ITPR2: variants seen among roughly 807,000 people sequenced by gnomAD.
The protein encoded by ITPR2 is inositol 1,4,5-trisphosphate-gated calcium channel ITPR2.
ITPR2 carries 207 observed loss-of-function variants against 317.1 expected under a neutral mutation model. The ratio of observed to expected loss-of-function variants is 0.65; its 90% CI spans 0.58 to 0.73. The LOEUF (loss-of-function observed/expected upper bound fraction) is 0.73, where lower values mean the gene tolerates loss of function less well. ITPR2 is among the 30% of genes least tolerant of loss of function. ITPR2 has a pLI of 0.00. For synonymous variants in ITPR2, 1,156 were observed against 1,149.1 expected (o/e 1.01, Z -0.12); for missense variants, 2,613 against 3,284.0 (o/e 0.80, Z 4.99).
At chr12:26,549,205 T>G (rs1944463388) in intron 37 of ITPR2, among the ~76,000 whole-genome samples, 1 of 152,210 alleles carries the variant, frequency 6.6e-6, no homozygotes. Flanking sequence ...AAATATTTGC[T>G]AAAATTGCAT....
chr12:26,713,002 C>T (rs1306276756), intron 8 of ITPR2, among the ~76,000 whole-genome samples: 2 of 152,194 alleles, frequency 1.3e-5, no homozygotes, highest in Non-Finnish European at 2.9e-5. Context: ...AAAGCCTCAC[C>T]CAGCGGGGCT....
At chr12:26,487,326 A>T in intron 39 of ITPR2, 75 bp from the exon 40 acceptor site, 1 of 1,083,888 alleles carries the variant, frequency 9.2e-7, no homozygotes, top group South Asian at 1.6e-5. Context: ...AACTAAACAT[A>T]AGCATTATAG....
At chr12:26,364,764 G>C (rs145628682) in intron 55 of ITPR2, among the ~76,000 whole-genome samples, 9 of 152,202 alleles carry the variant, frequency 5.9e-5, no homozygotes, top group African/African-American at 2.2e-4. Context: ...TCAATGCATA[G>C]GTATTCTGAT....
At chr12:26,595,941 C>T (rs1030608397) in intron 31 of ITPR2, among the ~76,000 whole-genome samples, 3 of 152,198 alleles carry the variant, frequency 2.0e-5, no homozygotes, top group Middle Eastern at 3.2e-3. Context: ...CCTCCAATCC[C>T]CTCCCAACAG....
At position 26,337,773 on chromosome 12, in the gene ITPR2, G is replaced by C. The variant is rs1937967964; in HGVS notation, c.*1624C>G. On this transcript the variant is annotated 3_prime_UTR_variant, in exon 57 of 57. Coordinates refer to ENST00000381340, the MANE Select transcript of ITPR2 (RefSeq NM_002223.4). ...AGTGAGGAATTCTTAGTATGAGGTG[G>C]TGCTGGGGAGTACCAGTAGCTTCAG... 1 of 152,182 alleles carries C rather than the reference G, an allele frequency of 6.6e-6. No individual in the cohort carries two copies. The highest frequency in any genetic ancestry group is 2.4e-5 in the African/African-American group (1 of 41,442). 9.4% of individuals were successfully genotyped at this position (152,182 alleles called of 1,614,324 possible). A position where few individuals can be genotyped will look rare whatever the true frequency, so the allele number is the denominator to read the frequency against.
At chr12:26,472,780 C>A (rs1346016186) in intron 45 of ITPR2, among the ~76,000 whole-genome samples, 1 of 152,158 alleles carries the variant, frequency 6.6e-6, no homozygotes, top group Non-Finnish European at 1.5e-5. Context: ...CTTTCCATCT[C>A]TGAGCACTGC....
chr12:26,584,335 G>A (rs773278321), intron 32 of ITPR2, among the ~76,000 whole-genome samples: 1 of 152,124 alleles, frequency 6.6e-6, no homozygotes, highest in Non-Finnish European at 1.5e-5. Context: ...CTGCCATTAG[G>A]ATATATGCTC....
intron 45 of ITPR2, among the ~76,000 whole-genome samples, chr12:26,471,927 T>C (rs1041517740): frequency 2.0e-5 from 3 of 152,190 alleles, no homozygotes; most frequent in Admixed American, 6.5e-5. Flanking sequence ...CCACTCCTTG[T>C]GAGTTTGTGG....
At chr12:26,765,080 G>A (rs1949696512) in intron 2 of ITPR2, among the ~76,000 whole-genome samples, 1 of 151,920 alleles carries the variant, frequency 6.6e-6, no homozygotes, top group Non-Finnish European at 1.5e-5. Flanking sequence ...AGCTCTAAGT[G>A]GCATAACCTA....
chr12:26,758,092 A>G (rs1226072889), intron 2 of ITPR2, among the ~76,000 whole-genome samples: 1 of 152,158 alleles, frequency 6.6e-6, no homozygotes, highest in Non-Finnish European at 1.5e-5. Context: ...TATTCCCTCC[A>G]TGTAGCTTCT....
chr12:26,410,479 CCAGA>C (rs933826067), intron 52 of ITPR2, among the ~76,000 whole-genome samples: 3 of 152,146 alleles, frequency 2.0e-5, no homozygotes, highest in African/African-American at 7.2e-5. Flanking sequence ...ATCATTATGA[CCAGA>C]CAAACAGTGT....
chr12:26,546,618 GC>G (rs1199624745), intron 37 of ITPR2, among the ~76,000 whole-genome samples: 3 of 151,996 alleles, frequency 2.0e-5, no homozygotes, highest in Non-Finnish European at 2.9e-5. Flanking sequence ...AAAGAACAAA[GC>G]TGGAGGCATC....
At chr12:26,492,924 T>C (rs1305378789) in intron 39 of ITPR2, among the ~76,000 whole-genome samples, 1 of 68,340 alleles carries the variant, frequency 1.5e-5, no homozygotes, top group East Asian at 2.7e-4. Context: ...TGTGTGTATA[T>C]ATATATATAT....
chr12:26,397,712 CA>C (rs759591665), intron 54 of ITPR2, among the ~76,000 whole-genome samples: 50 of 152,112 alleles, frequency 3.3e-4, no homozygotes, highest in Non-Finnish European at 6.0e-4. Flanking sequence ...AAACACTCAA[CA>C]AAAGTTGAAG....
intron 1 of ITPR2, among the ~76,000 whole-genome samples, chr12:26,802,180 G>A (rs1442067189): frequency 6.6e-6 from 1 of 151,918 alleles, no homozygotes; most frequent in African/African-American, 2.4e-5. Context: ...TGCACCTGTG[G>A]TCCCAGCTAC....
intron 2 of ITPR2, among the ~76,000 whole-genome samples, chr12:26,749,192 C>T (rs1453742817): frequency 6.6e-6 from 1 of 152,180 alleles, no homozygotes; most frequent in Non-Finnish European, 1.5e-5. Flanking sequence ...AGAAATTGAA[C>T]TCATGGTTAT....
At chr12:26,403,909 G>A (rs1285842013) in intron 52 of ITPR2, among the ~76,000 whole-genome samples, 1 of 152,200 alleles carries the variant, frequency 6.6e-6, no homozygotes, top group Non-Finnish European at 1.5e-5. Context: ...AAGCTGGAGC[G>A]ATAAACTGGG....
In ITPR2 at chr12:26,344,244, A is replaced by G. The variant is rs187875251; in HGVS notation, c.7858-3916T>C. On this transcript the variant is annotated intron_variant, in intron 55 of 56. Transcript: ENST00000381340. ...CTGTTACAGCAACACAAAACAGACT[A>G]AGACAGGGCTCCTCTTGGGAGAGCC... Among the ~76,000 whole-genome samples, 346 of 152,266 alleles carry G rather than the reference A, an allele frequency of 2.3e-3. 4 individuals carry two copies. Among genetic ancestry groups the G allele is most frequent in the African/African-American group, 7.9e-3 (328 of 41,552 alleles).
intron 47 of ITPR2, 95 bp downstream of exon 47, chr12:26,439,030 TAA>T: frequency 1.3e-6 from 1 of 783,854 alleles, no homozygotes; most frequent in Non-Finnish European, 2.1e-6. Context: ...AGCAAGAAAT[TAA>T]AAAAACAATT....
Sources: allele counts gnomAD v4.1 joint callset (sites outside exome capture counted in the v4.1 genomes callset), GRCh38; gene constraint gnomAD v4.1.1; transcripts MANE v1.5; gene names NCBI Gene and HGNC (gene_info 2026-07-23, HGNC 2026-07-21).